Variants in NMNAT2 observed in about 807,000 individuals in gnomAD.
NMNAT2 encodes the protein nicotinamide/nicotinic acid mononucleotide adenylyltransferase 2.
A neutral mutation model predicts 41.6 loss-of-function variants in NMNAT2; 11 were observed. The ratio of observed to expected loss-of-function variants is 0.26; its 90% CI spans 0.17 to 0.44. The LOEUF (loss-of-function observed/expected upper bound fraction) is 0.44, where lower values mean the gene tolerates loss of function less well. Among genes scored for constraint, NMNAT2 ranks in the 20% least tolerant of loss-of-function variants. The probability of loss-of-function intolerance (pLI) is 1.00; values close to 1 mark genes in which losing one functional copy is unlikely to be tolerated. For missense variants in NMNAT2, 288 were observed against 407.7 expected (o/e 0.71, Z 2.53); for synonymous variants, 148 against 151.2 (o/e 0.98, Z 0.16).
At chr1:183,351,014 G>C (rs1663034918) in intron 1 of NMNAT2, among the ~76,000 whole-genome samples, 1 of 152,148 alleles carries the variant, frequency 6.6e-6, no homozygotes, top group Non-Finnish European at 1.5e-5. Context: ...GGATTGCGAG[G>C]TCCCAGAGAA....
chr1:183,307,718 C>T (rs1571588795), intron 1 of NMNAT2, among the ~76,000 whole-genome samples: 3 of 152,310 alleles, frequency 2.0e-5, no homozygotes, highest in East Asian at 3.9e-4. Flanking sequence ...GCTGAGATTA[C>T]AGGCGTGAGT....
intron 1 of NMNAT2, among the ~76,000 whole-genome samples, chr1:183,368,906 C>T (rs1663470719): frequency 1.3e-5 from 2 of 152,190 alleles, no homozygotes; most frequent in Non-Finnish European, 2.9e-5. Context: ...AAGCAGTGTT[C>T]CATTTATAAC....
Position 183,284,736 on chromosome 1 carries a change from G to C in NMNAT2, c.503C>G (p.Pro168Arg). The change falls in exon 6 of 11, where the codon CCG (proline) becomes CGG (arginine). Residue 168 changes from proline (P) to arginine (R), a missense_variant. Pro to Arg is a moderately radical substitution (Grantham distance 103, BLOSUM62 -2). Around this residue, in one of 3 missense-constraint regions of NMNAT2, gnomAD observed 181 missense variants for 213.7 expected, o/e 0.85. Transcript: ENST00000287713. ...ESLSRICCVR[P>R]PVERFTFVDE... ...TACAAAGGTGAAACGCTCCACCGGC[G>C]GGCGGACACAGCAGATCCGGCTGAG... The C allele has an allele frequency of 6.2e-7, 1 of 1,614,104 alleles. No individual in the cohort carries two copies. The highest frequency in any genetic ancestry group is 8.5e-7 in the Non-Finnish European group (1 of 1,179,974).
chr1:183,292,926 C>A, intron 2 of NMNAT2, 69 bp from the exon 3 acceptor site: 1 of 1,419,472 alleles, frequency 7.0e-7, no homozygotes, highest in Non-Finnish European at 9.9e-7. Context: ...GATACCAGCC[C>A]AAGCCCACCC....
chr1:183,269,169 G>A (rs537418094), intron 8 of NMNAT2, among the ~76,000 whole-genome samples: 1 of 152,304 alleles, frequency 6.6e-6, no homozygotes, highest in Admixed American at 6.5e-5. Flanking sequence ...GTGATACGAA[G>A]GGATGGGCAC....
At chr1:183,269,272 C>T (rs1660919544) in intron 8 of NMNAT2, among the ~76,000 whole-genome samples, 1 of 152,126 alleles carries the variant, frequency 6.6e-6, no homozygotes, top group African/African-American at 2.4e-5. Context: ...CTAGGCGGGA[C>T]TAGGACACAC....
At chr1:183,354,063 C>T (rs1663125850) in intron 1 of NMNAT2, among the ~76,000 whole-genome samples, 1 of 152,172 alleles carries the variant, frequency 6.6e-6, no homozygotes, top group South Asian at 2.1e-4. Context: ...GAAAGGGATG[C>T]AGAGCCTGTG....
At chr1:183,387,736 C>G (rs1648300009) in intron 1 of NMNAT2, among the ~76,000 whole-genome samples, 1 of 152,222 alleles carries the variant, frequency 6.6e-6, no homozygotes, top group African/African-American at 2.4e-5. Context: ...ATGTTTGCAT[C>G]CTCCCCATCT....
chr1:183,259,134 T>C (rs1011864531), intron 10 of NMNAT2, among the ~76,000 whole-genome samples: 2 of 152,132 alleles, frequency 1.3e-5, no homozygotes, highest in African/African-American at 2.4e-5. Flanking sequence ...AAAGTGTGTA[T>C]ACCTGTGGCT....
intron 3 of NMNAT2, among the ~76,000 whole-genome samples, chr1:183,291,878 A>G: frequency 6.6e-6 from 1 of 152,178 alleles, no homozygotes; most frequent in South Asian, 2.1e-4. Flanking sequence ...GAAAGTCTAT[A>G]AAGGGCATGT....
At position 183,252,304 on chromosome 1, in the gene NMNAT2, C is replaced by T. The variant is rs1354440743; in HGVS notation, c.*337G>A. ...CTGGGAGGATGGGCACCAGAGCCGC[C>T]TCCCCAGAGCGTGCTGGGAGGATGG... is the stretch of plus-strand genomic sequence containing the variant. On this transcript the variant is annotated 3_prime_UTR_variant, in exon 11 of 11. Transcript: ENST00000287713. 1.5e-5 allele frequency: 4 copies of T among 260,764 alleles called. No homozygotes were observed. Among genetic ancestry groups the T allele is most frequent in the Admixed American group, 5.0e-5 (1 of 20,064 alleles). The allele number at this position is 260,764 out of a possible 1,614,324, so 16.2% of individuals were successfully genotyped here.
At chr1:183,416,787 T>C (rs183067081) in intron 1 of NMNAT2, among the ~76,000 whole-genome samples, 22 of 152,254 alleles carry the variant, frequency 1.4e-4, no homozygotes, top group Admixed American at 4.6e-4. Context: ...AGTTTAAAGA[T>C]GAATATTTTT....
rs200836216 is a variant in NMNAT2 at position 183,286,731 on chromosome 1, C to T, written c.379G>A (p.Gly127Arg). 25 of 1,611,622 alleles carry T rather than the reference C, an allele frequency of 1.6e-5. No homozygotes were observed. The highest frequency in any genetic ancestry group is 1.6e-4 in the Middle Eastern group (1 of 6,080). ...VNTPSMTPVI[G>R]QPQNETPQPI... ...TGGGGGGTCTCGTTTTGTGGCTGTC[C>T]GATCACAGGTGTCATGGAAGGTGTG... Residue 127 changes from glycine (G) to arginine (R), a missense_variant, in exon 5 of 11, where the codon GGA becomes AGA. Transcript: ENST00000287713.
rs143742580 is a variant in NMNAT2 at position 183,266,692 on chromosome 1, T to G, written c.652-5389A>C. On this transcript the variant is annotated intron_variant, in intron 8 of 10. Coordinates refer to ENST00000287713, the MANE Select transcript of NMNAT2 (RefSeq NM_015039.4). ...GGGGTTGTGATAGCCTTAAGGGTTGTGCATTTGAAGTGAGTCTTGCTAATC... is the reference window on the plus strand; with the variant it reads ...GGGGTTGTGATAGCCTTAAGGGTTGGGCATTTGAAGTGAGTCTTGCTAATC... 1,583 of 186,260 alleles carry G rather than the reference T, an allele frequency of 8.5e-3. 11 individuals are homozygous for G. The highest frequency in any genetic ancestry group is 0.011 in the Non-Finnish European group (958 of 87,004). 11.5% of individuals were successfully genotyped at this position (186,260 alleles called of 1,614,324 possible).
chr1:183,339,557 G>A lies in NMNAT2; in HGVS notation c.86-45764C>T, dbSNP rs567187188. Among the ~76,000 whole-genome samples, 9 of 151,910 alleles carry A rather than the reference G, an allele frequency of 5.9e-5. No homozygotes were observed. In the East Asian group the frequency reaches 1.8e-3, roughly 31 times the overall value. The stretch of plus-strand genomic sequence containing the variant: ...TCAAATCCCAGAGCTGAAGGTCCTT[G>A]GACAAGAGATTTACCTTGTCTGAGC... On this transcript the variant is annotated intron_variant, in intron 1 of 10. Transcript: ENST00000287713.
intron 1 of NMNAT2, among the ~76,000 whole-genome samples, chr1:183,396,376 C>A (rs1185930647): frequency 6.6e-6 from 1 of 152,098 alleles, no homozygotes; most frequent in Non-Finnish European, 1.5e-5. Context: ...GGCAGTCTCC[C>A]AGTAGACAGA....
intron 1 of NMNAT2, among the ~76,000 whole-genome samples, chr1:183,294,193 T>A (rs1323096697): frequency 1.3e-5 from 2 of 152,144 alleles, no homozygotes; most frequent in Non-Finnish European, 2.9e-5. Flanking sequence ...AGCCTCCTTA[T>A]AATATGAAAG....
intron 1 of NMNAT2, among the ~76,000 whole-genome samples, chr1:183,321,064 TA>T (rs1662347352): frequency 6.6e-6 from 1 of 152,172 alleles, no homozygotes; most frequent in South Asian, 2.1e-4. Context: ...ATTGGTTTAA[TA>T]AGAACAATAC....
At chr1:183,367,312 G>A (rs1019780612) in intron 1 of NMNAT2, among the ~76,000 whole-genome samples, 1 of 152,134 alleles carries the variant, frequency 6.6e-6, no homozygotes, top group Non-Finnish European at 1.5e-5. Context: ...TACAAAAGTA[G>A]TCAGGCATGG....
Sources: allele counts gnomAD v4.1 joint callset (sites outside exome capture counted in the v4.1 genomes callset), GRCh38; gene constraint gnomAD v4.1.1; regional missense constraint gnomAD v4.1.1; transcripts MANE v1.5; gene names NCBI Gene and HGNC (gene_info 2026-07-23, HGNC 2026-07-21).